The following MAPRE2 variants were observed in gnomAD, a reference collection of about 807,000 sequenced individuals.
The protein encoded by MAPRE2 is microtubule associated protein RP/EB family member 2.
In MAPRE2, 13 loss-of-function variants were observed where a neutral mutation model predicts 43.2. The observed-to-expected ratio is 0.30, with a 90% CI of 0.20 to 0.48. MAPRE2 has a LOEUF of 0.48. Among genes scored for constraint, MAPRE2 ranks in the 20% least tolerant of loss-of-function variants. The probability of loss-of-function intolerance (pLI) is 0.99; values close to 1 mark genes in which losing one functional copy is unlikely to be tolerated. For missense variants in MAPRE2, 161 were observed against 400.2 expected, an observed-to-expected ratio of 0.40 and a Z score of 5.10; for synonymous variants, 135 against 148.8, an observed-to-expected ratio of 0.91 and a Z score of 0.68.
intron 1 of MAPRE2, among the ~76,000 whole-genome samples, chr18:34,998,032 G>A (rs1303293227): frequency 2.6e-5 from 4 of 152,098 alleles, no homozygotes; most frequent in Admixed American, 6.5e-5. Context: ...GTGTAATTGG[G>A]GTATCGGCTC....
At chr18:35,110,618 A>G (rs1909133736) in intron 4 of MAPRE2, among the ~76,000 whole-genome samples, 1 of 152,126 alleles carries the variant, frequency 6.6e-6, no homozygotes. Flanking sequence ...AGGATTTCTT[A>G]TCCTGCAGGT....
intron 1 of MAPRE2, among the ~76,000 whole-genome samples, chr18:35,044,001 A>G (rs1248256999): frequency 6.6e-6 from 1 of 152,174 alleles, no homozygotes; most frequent in Non-Finnish European, 1.5e-5. Flanking sequence ...TTGGAAGGCA[A>G]TTTGAAAGCG....
upstream of MAPRE2, among the ~76,000 whole-genome samples, chr18:35,039,724 CA>C (rs778816749): frequency 6.6e-6 from 1 of 152,258 alleles, no homozygotes; most frequent in African/African-American, 2.4e-5. Context: ...TCAGGAATGA[CA>C]AAGTGTTTAC....
chr18:35,117,860 A>C (rs908023546), intron 4 of MAPRE2, among the ~76,000 whole-genome samples: 1 of 152,192 alleles, frequency 6.6e-6, no homozygotes, highest in South Asian at 2.1e-4. Flanking sequence ...TTATTGAAAG[A>C]AATAGCATGT....
chr18:34,984,345 T>C (rs563015940), intron 1 of MAPRE2: 11 of 152,280 alleles, frequency 7.2e-5, no homozygotes, highest in Admixed American at 4.6e-4. Context: ...ATTTAGATAA[T>C]AGAGCAACTT....
intron 1 of MAPRE2, among the ~76,000 whole-genome samples, chr18:34,995,682 T>C (rs1251047678): frequency 6.6e-6 from 1 of 152,192 alleles, no homozygotes; most frequent in Non-Finnish European, 1.5e-5. Flanking sequence ...ATCCTTAGTT[T>C]TGCTTGCTTG....
intron 5 of MAPRE2, among the ~76,000 whole-genome samples, chr18:35,128,686 G>C (rs78516633): frequency 2.0e-5 from 3 of 152,164 alleles, no homozygotes; most frequent in African/African-American, 7.2e-5. Context: ...CCTGGAATCA[G>C]TTCCTCTCAG....
intron 2 of MAPRE2, among the ~76,000 whole-genome samples, chr18:35,006,847 C>T (rs192053120): frequency 6.6e-6 from 1 of 152,302 alleles, no homozygotes; most frequent in African/African-American, 2.4e-5. Context: ...CCTGTAATAC[C>T]AGCTACTCGG....
chr18:35,123,813 C>G (rs1909790512), intron 4 of MAPRE2, among the ~76,000 whole-genome samples: 1 of 152,192 alleles, frequency 6.6e-6, no homozygotes, highest in African/African-American at 2.4e-5. Context: ...TATTGAATTT[C>G]TCTGGGTTAG....
intron 2 of MAPRE2, among the ~76,000 whole-genome samples, chr18:35,030,701 C>T (rs766950907): frequency 5.3e-5 from 8 of 152,242 alleles, no homozygotes; most frequent in Non-Finnish European, 1.2e-4. Context: ...CTGCAAATGC[C>T]TGGTTTCTAA....
At chr18:35,032,843 G>C (rs2097048484) in intron 2 of MAPRE2, among the ~76,000 whole-genome samples, 1 of 151,938 alleles carries the variant, frequency 6.6e-6, no homozygotes, top group African/African-American at 2.4e-5. Flanking sequence ...CCTCAAGAGG[G>C]GCCTGAAAGT....
intron 1 of MAPRE2, among the ~76,000 whole-genome samples, chr18:35,005,194 A>G (rs1355155239): frequency 6.6e-6 from 1 of 152,104 alleles, no homozygotes; most frequent in Non-Finnish European, 1.5e-5. Context: ...AGGGCAGGGG[A>G]AAAACAAAAG....
intron 2 of MAPRE2, among the ~76,000 whole-genome samples, chr18:35,081,787 G>A (rs557291640): frequency 6.6e-6 from 1 of 152,070 alleles, no homozygotes; most frequent in South Asian, 2.1e-4. Flanking sequence ...CGTGGACCGT[G>A]GGTTTGCGCT....
At chr18:35,076,455 G>T (rs1185745878) in intron 2 of MAPRE2, among the ~76,000 whole-genome samples, 3 of 152,148 alleles carry the variant, frequency 2.0e-5, no homozygotes, top group Non-Finnish European at 4.4e-5. Flanking sequence ...TGAAAGAATG[G>T]CCATCGTTTG....
At chr18:35,057,499 A>AGTGTGC (rs1555914284) in intron 1 of MAPRE2, among the ~76,000 whole-genome samples, 1 of 82,170 alleles carries the variant, frequency 1.2e-5, no homozygotes, top group South Asian at 5.0e-4. Context: ...TACTGCAAGG[A>AGTGTGC]GTGTGTGCGT....
chr18:35,059,051 A>T (rs570424506), intron 1 of MAPRE2, among the ~76,000 whole-genome samples: 6 of 152,326 alleles, frequency 3.9e-5, no homozygotes, highest in African/African-American at 9.6e-5. Context: ...AGATTAAATT[A>T]AAAAATTCCT....
intron 1 of MAPRE2, chr18:34,978,491 C>T: frequency 6.4e-7 from 1 of 1,551,192 alleles, no homozygotes; most frequent in Non-Finnish European, 8.7e-7. Context: ...CCGCGATTTA[C>T]ACTTTTGCTG....
At chr18:34,999,718 GGAGAAGAAT>G (rs1178186832) in intron 1 of MAPRE2, among the ~76,000 whole-genome samples, 2 of 152,162 alleles carry the variant, frequency 1.3e-5, no homozygotes, top group South Asian at 2.1e-4. Context: ...TCTTTCTGAA[GGAGAAGAAT>G]GAGTTGTACC....
intron 1 of MAPRE2, chr18:34,978,266 G>T: frequency 1.8e-6 from 1 of 566,976 alleles, no homozygotes; most frequent in Non-Finnish European, 3.1e-6. Context: ...GGCAGGAAGA[G>T]GTCACTAAAA....
Sources: gnomAD v4.1 joint callset for allele counts (sites outside exome capture counted in the v4.1 genomes callset) on GRCh38, gnomAD v4.1.1 for gene constraint, MANE v1.5 for transcripts, NCBI Gene and HGNC (gene_info 2026-07-23, HGNC 2026-07-21) for gene names.